SYBU: variants seen among roughly 807,000 people sequenced by gnomAD.
SYBU encodes the protein GOLSYN A protein.
Under a neutral mutation model 35.9 loss-of-function variants are expected in SYBU, and 21 were observed. That is an observed-to-expected ratio of 0.58 (90% confidence interval 0.41 to 0.84). The LOEUF is 0.84. Among genes scored for constraint, SYBU ranks in the 40% least tolerant of loss-of-function variants. The pLI is 0.00. For synonymous variants in SYBU, 319 were observed against 324.3 expected, an observed-to-expected ratio of 0.98 and a Z score of 0.18; for missense variants, 768 against 848.2, an observed-to-expected ratio of 0.91 and a Z score of 1.17.
chr8:109,627,152 T>TG (rs34706230), intron 2 of SYBU, among the ~76,000 whole-genome samples: 44,275 of 151,980 alleles, frequency 0.29, 7,017 homozygotes, highest in African/African-American at 0.41. Flanking sequence ...ATAATTTTTG[T>TG]GGGGGGGAAG....
In SYBU at chr8:109,584,078, A is replaced by G. The variant is rs1348267046; in HGVS notation, c.530+1982T>C. On this transcript the variant is annotated intron_variant, in intron 4 of 6. Coordinates refer to ENST00000276646, the MANE Select transcript of SYBU (RefSeq NM_001099754.2). The surrounding 1 kb of genome is among the most constrained non-coding windows in gnomAD (Gnocchi z 4.0). ...GTTGATCCATCCGCCTTGGCCTCCT[A>G]AAAGTGCTGGGATTATAGGCATGAG... is the stretch of plus-strand genomic sequence containing the variant. 6.6e-6 allele frequency among the ~76,000 whole-genome samples: 1 copy of G among 151,744 alleles called. No individual in the cohort carries two copies. Among genetic ancestry groups the G allele is most frequent in the African/African-American group, 2.4e-5 (1 of 41,284 alleles).
chr8:109,685,161 T>C (rs2130788308), upstream of SYBU, among the ~76,000 whole-genome samples: 1 of 152,274 alleles, frequency 6.6e-6, no homozygotes, highest in East Asian at 1.9e-4. Context: ...AAAGAGGAAA[T>C]TGTAATAATT....
chr8:109,658,823 G>A (rs1012270695), intron 1 of SYBU, among the ~76,000 whole-genome samples: 2 of 151,996 alleles, frequency 1.3e-5, no homozygotes, highest in Admixed American at 6.6e-5. Context: ...GCGTGGTGGC[G>A]CACGCCTGTA....
intron 1 of SYBU, among the ~76,000 whole-genome samples, chr8:109,677,683 A>G (rs1217491747): frequency 2.6e-5 from 4 of 152,164 alleles, no homozygotes; most frequent in Admixed American, 6.5e-5. Context: ...TATATCTTCA[A>G]TTCTTTCAGC....
chr8:109,649,522 A>T (rs1816027533), upstream of SYBU, among the ~76,000 whole-genome samples: 1 of 152,198 alleles, frequency 6.6e-6, no homozygotes, highest in African/African-American at 2.4e-5. Flanking sequence ...ACGAGTGTTC[A>T]GTCAGAGTAT....
chr8:109,650,249 T>C (rs1816069116), intron 1 of SYBU, among the ~76,000 whole-genome samples: 1 of 152,186 alleles, frequency 6.6e-6, no homozygotes, highest in African/African-American at 2.4e-5. Context: ...CAATGGTAGA[T>C]TTGAGTTACA....
chr8:109,648,059 T>C (rs1563763554), upstream of SYBU: 1 of 152,118 alleles, frequency 6.6e-6, no homozygotes, highest in Non-Finnish European at 1.5e-5. Context: ...TAATACAGCA[T>C]AATATGGTCT....
chr8:109,664,277 G>C (rs1021009790), intron 1 of SYBU, among the ~76,000 whole-genome samples: 1 of 152,142 alleles, frequency 6.6e-6, no homozygotes, highest in African/African-American at 2.4e-5. Context: ...TATTATGTGG[G>C]GGAGGGTGTA....
intron 4 of SYBU, among the ~76,000 whole-genome samples, chr8:109,581,310 C>T (rs1008730616): frequency 1.2e-4 from 19 of 152,244 alleles, no homozygotes; most frequent in African/African-American, 4.6e-4. Context: ...GCAAGTGAGC[C>T]ACTTAACATG....
chr8:109,682,505 C>A (rs974042879), upstream of SYBU, among the ~76,000 whole-genome samples: 1 of 152,142 alleles, frequency 6.6e-6, no homozygotes, highest in African/African-American at 2.4e-5. Flanking sequence ...ATCTGTGAAA[C>A]TTTGAACTTG....
At chr8:109,645,056 G>C (rs1815489411), upstream of SYBU, 1 of 500,842 alleles carries the variant, frequency 2.0e-6, no homozygotes, top group Non-Finnish European at 3.9e-6. Context: ...GCAGGCTGCG[G>C]CTAGCGGCAT....
chr8:109,624,708 C>A (rs1482773037), intron 2 of SYBU, among the ~76,000 whole-genome samples: 1 of 152,146 alleles, frequency 6.6e-6, no homozygotes. Context: ...CAAATCCAAT[C>A]AAGGCTTTAA....
chr8:109,607,976 G>A (rs1033567164), intron 3 of SYBU: 2 of 1,534,584 alleles, frequency 1.3e-6, no homozygotes, highest in Non-Finnish European at 1.7e-6. Context: ...CCCAGCACAG[G>A]CTGGGGTATG....
At chr8:109,579,058 A>G (rs939754804) in intron 5 of SYBU, among the ~76,000 whole-genome samples, 1 of 152,100 alleles carries the variant, frequency 6.6e-6, no homozygotes, top group Middle Eastern at 3.2e-3. Flanking sequence ...ACTGACGAGA[A>G]TAGGGATGCC....
chr8:109,666,082 G>C (rs114268165), intron 1 of SYBU, among the ~76,000 whole-genome samples: 2,162 of 152,260 alleles, frequency 0.014, 49 homozygotes, highest in African/African-American at 0.049. Flanking sequence ...GGCACATTCT[G>C]TAAATGGACG....
chr8:109,608,894 AC>A (rs1159855736), intron 3 of SYBU, among the ~76,000 whole-genome samples: 4 of 152,186 alleles, frequency 2.6e-5, no homozygotes, highest in African/African-American at 9.7e-5. Context: ...GTGCATGTTT[AC>A]CCCTCAGTGT....
chr8:109,672,896 A>G (rs1038438368), intron 1 of SYBU, among the ~76,000 whole-genome samples: 4 of 152,232 alleles, frequency 2.6e-5, no homozygotes, highest in Non-Finnish European at 5.9e-5. Flanking sequence ...TTCCCCACAC[A>G]GTGTAAACAA....
chr8:109,663,636 T>C (rs1262224971), intron 1 of SYBU, among the ~76,000 whole-genome samples: 2 of 152,300 alleles, frequency 1.3e-5, no homozygotes, highest in East Asian at 3.9e-4. Context: ...TGGTACTTTA[T>C]TATTCCTTTT....
At position 109,575,439 on chromosome 8, in the gene SYBU, C is replaced by T. The variant is rs745600122; in HGVS notation, c.1459G>A (p.Ala487Thr). 1 of 1,614,128 alleles carries T rather than the reference C, an allele frequency of 6.2e-7. No individual in the cohort carries two copies. Among genetic ancestry groups the T allele is most frequent in the South Asian group, 1.1e-5 (1 of 91,082 alleles). Residue 487 changes from alanine (A) to threonine (T), a missense_variant, in exon 7 of 7, where the codon GCC (alanine) becomes ACC (threonine). Physicochemically the swap from Ala to Thr is moderately conservative, Grantham distance 58. Coordinates refer to ENST00000276646, the MANE Select transcript of SYBU (RefSeq NM_001099754.2). ...QEEGSVVVER[A>T]VQTDVVPYSP... is the part of the protein sequence containing the mutation. ...TAGGGCACCACGTCGGTCTGAACGGCTCGCTCCACCACCACACTGCCCTCC... is the reference window on the plus strand; with the variant it reads ...TAGGGCACCACGTCGGTCTGAACGGTTCGCTCCACCACCACACTGCCCTCC...
Sources: gnomAD v4.1 joint callset for allele counts (sites outside exome capture counted in the v4.1 genomes callset) on GRCh38, gnomAD v4.1.1 for gene constraint, Gnocchi (gnomAD v3.1) non-coding constraint, MANE v1.5 for transcripts, NCBI Gene and HGNC (gene_info 2026-07-23, HGNC 2026-07-21) for gene names.